The following FZR1 variants were observed in gnomAD, a reference collection of about 807,000 sequenced individuals.
The protein encoded by FZR1 is fizzy and cell division cycle 20 related 1, also known as fizzy-related protein homolog.
A neutral mutation model predicts 63.6 loss-of-function variants in FZR1; 11 were observed. The observed-to-expected ratio is 0.17, with a 90% confidence interval of 0.11 to 0.29. FZR1 has a LOEUF of 0.29. Ranked by LOEUF, FZR1 falls within the 10% of genes least tolerant of loss-of-function variation. The pLI is 1.00. For synonymous variants in FZR1, 328 were observed against 297.9 expected (o/e 1.10, Z -1.04); for missense variants, 440 against 687.5 (o/e 0.64, Z 4.03).
At chr19:3,522,904 C>T in intron 1 of FZR1, 52 bp from the exon 2 acceptor site, 2 of 940,416 alleles carry the variant, frequency 2.1e-6, no homozygotes, top group Non-Finnish European at 3.5e-6. Flanking sequence ...GCCCCGTGGT[C>T]TCCGGGCAGC....
At position 3,515,831 on chromosome 19, in the gene FZR1, T is replaced by C. The variant is rs908274203; in HGVS notation, c.-34-7125T>C. 6.6e-6 allele frequency among the ~76,000 whole-genome samples: 1 copy of C among 151,022 alleles called. No individual in the cohort carries two copies. Among genetic ancestry groups the C allele is most frequent in the African/African-American group, 2.4e-5 (1 of 41,038 alleles). ...GGTGCCAGGAGAAATAAGGCTTCTT[T>C]CCTCCCCAATCCTCGTCCTCTCCTT... On this transcript the variant is annotated intron_variant, in intron 1 of 13. Coordinates refer to ENST00000441788, the MANE Select transcript of FZR1 (RefSeq NM_016263.4). The surrounding 1 kb of genome is among the most constrained non-coding windows in gnomAD (Gnocchi z 4.6).
intron 2 of FZR1, among the ~76,000 whole-genome samples, chr19:3,524,616 C>T (rs1030968352): frequency 2.6e-5 from 4 of 152,136 alleles, no homozygotes; most frequent in Non-Finnish European, 5.9e-5. Context: ...AGGCCGCAGA[C>T]GGGGCCCACG....
rs116354430 is a variant in FZR1 at position 3,510,296 on chromosome 19, G to A, written c.-35+3822G>A. On this transcript the variant is annotated intron_variant, in intron 1 of 13. Transcript: ENST00000441788. ...GGACTCCAGGCGCGCCACCATACCTGGCTAATGTTTGTATTTTCTGTAGAG... is the reference window on the plus strand; with the variant it reads ...GGACTCCAGGCGCGCCACCATACCTAGCTAATGTTTGTATTTTCTGTAGAG... Among the ~76,000 whole-genome samples the A allele has an allele frequency of 2.9e-3, 434 of 152,132 alleles. 4 individuals are homozygous for A. Among genetic ancestry groups the A allele is most frequent in the African/African-American group, 0.01 (421 of 41,464 alleles).
At chr19:3,512,943 C>A (rs1013456742) in intron 1 of FZR1, among the ~76,000 whole-genome samples, 1 of 152,036 alleles carries the variant, frequency 6.6e-6, no homozygotes, top group Non-Finnish European at 1.5e-5. Context: ...AGCTGGGTGA[C>A]CCCCCATTTT....
At chr19:3,524,090 C>G (rs1466116853) in intron 2 of FZR1, among the ~76,000 whole-genome samples, 3 of 152,098 alleles carry the variant, frequency 2.0e-5, no homozygotes, top group African/African-American at 4.8e-5. Flanking sequence ...TCAGGGATTT[C>G]AGAGAGAGAG....
At chr19:3,507,718 G>A (rs10404240) in intron 1 of FZR1, among the ~76,000 whole-genome samples, 210 of 152,250 alleles carry the variant, frequency 1.4e-3, no homozygotes, top group Non-Finnish European at 2.5e-3. Context: ...TCTCTCTCGG[G>A]GTGGGGGTGG....
chr19:3,528,747 G>GTGGGTGGGTGTGTGGA (rs2083190915), intron 7 of FZR1, among the ~76,000 whole-genome samples: 1 of 124,558 alleles, frequency 8.0e-6, no homozygotes, highest in Non-Finnish European at 1.7e-5. Context: ...GGATGGGAGA[G>GTGGGTGGGTGTGTGGA]TGGGTGGGTG....
At chr19:3,510,539 TG>T (rs2083017272) in intron 1 of FZR1, among the ~76,000 whole-genome samples, 1 of 152,204 alleles carries the variant, frequency 6.6e-6, no homozygotes, top group Non-Finnish European at 1.5e-5. Flanking sequence ...AGATTTGGCC[TG>T]GGAACCTCTA....
Position 3,526,908 on chromosome 19 carries a change from TGG to T in FZR1, c.388-70_388-69del, listed in dbSNP as rs1394598297. 9.7e-7 allele frequency: 1 copy of T among 1,032,250 alleles called. No individual in the cohort carries two copies. The highest frequency in any genetic ancestry group is 2.4e-5 in the East Asian group (1 of 42,324). 63.9% of individuals were successfully genotyped at this position (1,032,250 alleles called of 1,614,324 possible). A position where few individuals can be genotyped will look rare whatever the true frequency, so the allele number is the denominator to read the frequency against. ...AGGGCTATGAGCTGTACCGGGAGCGTGGGCTGCTGGGGGGCTCTGAGGGTCCT... is the reference window on the plus strand; with the variant it reads ...AGGGCTATGAGCTGTACCGGGAGCGTGCTGCTGGGGGGCTCTGAGGGTCCT... On this transcript the variant is annotated intron_variant, in intron 5 of 13. Transcript: ENST00000441788. This position sits in a 1 kb window ranked among gnomAD's most constrained non-coding sequence, Gnocchi z 5.4.
intron 6 of FZR1, among the ~76,000 whole-genome samples, chr19:3,527,324 G>A (rs2083170270): frequency 6.6e-6 from 1 of 152,226 alleles, no homozygotes; most frequent in Non-Finnish European, 1.5e-5. Flanking sequence ...AGATCCCCTT[G>A]CTGAGGGCAC....
intron 8 of FZR1, 136 bp downstream of exon 8, chr19:3,530,993 T>C (rs575245393): frequency 1.8e-4 from 113 of 640,028 alleles, no homozygotes; most frequent in Middle Eastern, 1.2e-3. Context: ...TGTCCCCCAC[T>C]GTCCCCGGCC....
In FZR1 at chr19:3,533,409, G is replaced by T; in HGVS notation, c.1347+11G>T. The T allele has an allele frequency of 1.3e-6, 2 of 1,549,486 alleles. No homozygotes were observed. Among genetic ancestry groups the T allele is most frequent in the Middle Eastern group, 1.7e-4 (1 of 5,936 alleles). On this transcript the variant is annotated intron_variant, in intron 12 of 13. Transcript: ENST00000441788. This position sits in a 1 kb window ranked among gnomAD's most constrained non-coding sequence, Gnocchi z 4.9. ...CGCGTGCTGTACCTGGTGAGTTCACGCCAGGCACTTCAAGGTGCCCCGGGA... is the reference window on the plus strand; with the variant it reads ...CGCGTGCTGTACCTGGTGAGTTCACTCCAGGCACTTCAAGGTGCCCCGGGA...
chr19:3,529,701 CGGATGGGAGAGCGGATGGGAGAGT>C (rs1420418025), intron 7 of FZR1, among the ~76,000 whole-genome samples: 6 of 106,576 alleles, frequency 5.6e-5, no homozygotes, highest in East Asian at 3.1e-4. Flanking sequence ...GATGGTTGAG[CGGATGGGAGAGCGGATGGGAGAGT>C]GGATGGGAGA....
chr19:3,526,302 T>G lies in FZR1; in HGVS notation c.303T>G (p.Gly101=). Residue 101 remains glycine (G), a synonymous_variant, in exon 5 of 14, where the codon GGT becomes GGG. Transcript: ENST00000441788. The surrounding 1 kb of genome is among the most constrained non-coding windows in gnomAD (Gnocchi z 5.4). ...CCCTGCTCAAGAATGAGCTGCTGGG[T>G]GCCGGCATCGAGAAGGTGCAGGACC... ...YSALLKNELL[G]AGIEKVQDPQ... is the part of the protein sequence containing the mutation. 1 of 1,607,308 alleles carries G rather than the reference T, an allele frequency of 6.2e-7. No homozygotes were observed. The highest frequency in any genetic ancestry group is 2.2e-5 in the East Asian group (1 of 44,530).
At chr19:3,534,241 A>G in intron 12 of FZR1, 180 bp from the exon 13 acceptor site, 1 of 446,500 alleles carries the variant, frequency 2.2e-6, no homozygotes, top group Non-Finnish European at 3.9e-6. Flanking sequence ...AAAAAAAAAA[A>G]AAAAAAGGCT....
At chr19:3,518,273 C>G (rs1004345918) in intron 1 of FZR1, among the ~76,000 whole-genome samples, 3 of 152,310 alleles carry the variant, frequency 2.0e-5, no homozygotes, top group South Asian at 2.1e-4. Context: ...CTCAGCCCCC[C>G]ACAGTGCCTC....
intron 1 of FZR1, among the ~76,000 whole-genome samples, chr19:3,519,371 AAGCCGCC>A (rs2083081964): frequency 6.6e-6 from 1 of 152,118 alleles, no homozygotes; most frequent in Non-Finnish European, 1.5e-5. Context: ...GGGGCTTGTG[AAGCCGCC>A]AGTGCTGGGC....
At chr19:3,512,216 C>G (rs2083029338) in intron 1 of FZR1, among the ~76,000 whole-genome samples, 1 of 152,206 alleles carries the variant, frequency 6.6e-6, no homozygotes, top group Admixed American at 6.5e-5. Context: ...CTGCGTACCC[C>G]TGTCATGAGT....
At chr19:3,531,159 A>G (rs940471470) in intron 8 of FZR1, among the ~76,000 whole-genome samples, 2 of 152,134 alleles carry the variant, frequency 1.3e-5, no homozygotes, top group African/African-American at 2.4e-5. Flanking sequence ...TTTTCCACTC[A>G]GGGTCGAGTG....
Sources: allele counts gnomAD v4.1 joint callset (sites outside exome capture counted in the v4.1 genomes callset), GRCh38; gene constraint gnomAD v4.1.1; non-coding constraint Gnocchi (gnomAD v3.1); transcripts MANE v1.5; gene names NCBI Gene and HGNC (gene_info 2026-07-23, HGNC 2026-07-21).